The following LOXHD1 variants were observed in gnomAD, a reference collection of about 807,000 sequenced individuals.
The protein encoded by LOXHD1 is lipoxygenase homology domain-containing protein 1.
A neutral mutation model predicts 248.2 loss-of-function variants in LOXHD1; 205 were observed. The ratio of observed to expected loss-of-function variants is 0.83; its 90% confidence interval spans 0.74 to 0.93. The LOEUF (loss-of-function observed/expected upper bound fraction) is 0.93, where lower values mean the gene tolerates loss of function less well. Ranked by LOEUF, LOXHD1 falls within the 40% of genes least tolerant of loss-of-function variation. The probability of loss-of-function intolerance (pLI) is 0.00; values close to 1 mark genes in which losing one functional copy is unlikely to be tolerated. For synonymous variants in LOXHD1, 1,113 were observed against 1,162.8 expected (o/e 0.96, Z 0.87); for missense variants, 2,930 against 2,971.6 (o/e 0.99, Z 0.33).
rs750279746 is a variant in LOXHD1, at chr18:46,488,965, C to T, written c.6049+7G>A. The T allele has an allele frequency of 1.9e-6, 3 of 1,550,172 alleles. No homozygotes were observed. The East Asian group carries it at 7.3e-5, about 38-fold the overall frequency. On this transcript the variant is annotated splice_region_variant and intron_variant, in intron 38 of 40. Transcript: ENST00000642948. ...TCCCTCCTGAGCCAATGATCTCCCC[C>T]ACATACTGGTCTCTTCCAGCTCATC...
At chr18:46,479,236 ATGTGTGTGTGTG>A (rs10645069) in intron 40 of LOXHD1, among the ~76,000 whole-genome samples, 7 of 142,784 alleles carry the variant, frequency 4.9e-5, no homozygotes, top group African/African-American at 1.3e-4. Context: ...ATATATATGT[ATGTGTGTGTGTG>A]TGTGTGTGTG....
At chr18:46,645,571 G>A (rs769380381) in intron 2 of LOXHD1, among the ~76,000 whole-genome samples, 2 of 152,260 alleles carry the variant, frequency 1.3e-5, no homozygotes, top group South Asian at 2.1e-4. Context: ...GGAAGAGTGC[G>A]AGGAAACCCA....
At chr18:46,480,777 G>T (rs2032494381) in intron 40 of LOXHD1, among the ~76,000 whole-genome samples, 4 of 152,312 alleles carry the variant, frequency 2.6e-5, no homozygotes, top group Admixed American at 2.0e-4. Context: ...AGAGAATGGG[G>T]TCACCAAAAT....
intron 23 of LOXHD1, among the ~76,000 whole-genome samples, chr18:46,544,352 C>T (rs758471992): frequency 6.6e-6 from 1 of 152,154 alleles, no homozygotes; most frequent in Non-Finnish European, 1.5e-5. Flanking sequence ...CTGTTGGATG[C>T]TCAAGAATTT....
chr18:46,511,263 C>T (rs1317959800), intron 34 of LOXHD1, among the ~76,000 whole-genome samples: 1 of 152,196 alleles, frequency 6.6e-6, no homozygotes, highest in Non-Finnish European at 1.5e-5. Context: ...GTCCTTCAGT[C>T]TTCCCAACTC....
chr18:46,509,608 T>C, intron 35 of LOXHD1, 90 bp downstream of exon 35: 1 of 912,726 alleles, frequency 1.1e-6, no homozygotes, highest in Non-Finnish European at 1.8e-6. Context: ...GTGACATTTG[T>C]GCTTTAACAA....
chr18:46,639,608 G>T lies in LOXHD1; in HGVS notation c.511+8C>A, dbSNP rs1006067924. 20 of 1,549,712 alleles carry T rather than the reference G, an allele frequency of 1.3e-5. No homozygotes were observed. In the East Asian group the frequency reaches 3.7e-4, roughly 28 times the overall value. On this transcript the variant is annotated splice_region_variant and intron_variant, in intron 4 of 40. Transcript: ENST00000642948. ...AGGGATGGCAGGCAGGCCAGCCTAG[G>T]CACTGACCTCTGGGCATGTCCATGG...
chr18:46,646,463 C>T (rs2039031865), intron 2 of LOXHD1, among the ~76,000 whole-genome samples: 1 of 152,154 alleles, frequency 6.6e-6, no homozygotes, highest in Non-Finnish European at 1.5e-5. Flanking sequence ...CAGTTCTTGT[C>T]ACAGCCAGAC....
intron 28 of LOXHD1, among the ~76,000 whole-genome samples, chr18:46,529,885 C>T (rs776425951): frequency 2.6e-5 from 4 of 152,158 alleles, no homozygotes; most frequent in Admixed American, 6.5e-5. Context: ...AACTCCTCAC[C>T]GAAGCCACTG....
intron 28 of LOXHD1, among the ~76,000 whole-genome samples, chr18:46,530,819 T>A (rs982686624): frequency 6.6e-6 from 1 of 152,130 alleles, no homozygotes; most frequent in Non-Finnish European, 1.5e-5. Context: ...CACTCCTTCA[T>A]GGGTAGCTTT....
intron 5 of LOXHD1, among the ~76,000 whole-genome samples, chr18:46,614,718 TAATAAATA>T (rs67053766): frequency 5.0e-4 from 75 of 149,852 alleles, no homozygotes; most frequent in African/African-American, 1.1e-3. Flanking sequence ...TAAAGTATAA[TAATAAATA>T]AATAAATAAA....
intron 8 of LOXHD1, among the ~76,000 whole-genome samples, chr18:46,600,605 AAGGAAGG>A (rs1448795275): frequency 2.8e-5 from 1 of 35,226 alleles, no homozygotes; most frequent in African/African-American, 1.0e-4. Flanking sequence ...TCCAAAAAAA[AAGGAAGG>A]AAGGAAGGAA....
chr18:46,495,199 C>T (rs1488185413), intron 37 of LOXHD1, among the ~76,000 whole-genome samples: 1 of 152,148 alleles, frequency 6.6e-6, no homozygotes, highest in Non-Finnish European at 1.5e-5. Flanking sequence ...TCTTTCTTTC[C>T]TCAGAGCTTA....
At position 46,518,033 on chromosome 18, in the gene LOXHD1, C is replaced by T. The variant is rs889685140; in HGVS notation, c.5399+96G>A. 135 of 1,436,614 alleles carry T rather than the reference C, an allele frequency of 9.4e-5. No homozygotes were observed. The South Asian group carries it at 1.2e-3, about 13-fold the overall frequency. 89.0% of individuals were successfully genotyped at this position (1,436,614 alleles called of 1,614,324 possible). ...GGAAGGAAGGCCTCATGGTCTGCAGCGGGCATGTGAGAATCAGCCTGGCTG... is the reference window on the plus strand; with the variant it reads ...GGAAGGAAGGCCTCATGGTCTGCAGTGGGCATGTGAGAATCAGCCTGGCTG... On this transcript the variant is annotated intron_variant, in intron 34 of 40. Transcript: ENST00000642948.
Position 46,534,418 on chromosome 18 carries a change from G to A in LOXHD1, c.4129C>T (p.Arg1377Trp), listed in dbSNP as rs746252931. 8.4e-6 allele frequency: 13 copies of A among 1,551,522 alleles called. No homozygotes were observed. Among genetic ancestry groups the A allele is most frequent in the Non-Finnish European group, 9.6e-6 (11 of 1,146,946 alleles). ...ATGCCCGTGTTATTATGGCCAATCC[G>A]AATTTTTTCAATGATTTCTCCCACA... is the stretch of plus-strand genomic sequence containing the variant. The part of the protein sequence containing the change: ...EDVGEIIEKI[R>W]IGHNNTGMNP... The change falls in exon 27 of 41, where the codon CGG becomes TGG. Residue 1377 changes from arginine to tryptophan, a missense_variant. Arg to Trp is a moderately radical substitution (Grantham distance 101). Coordinates refer to ENST00000642948, the MANE Select transcript of LOXHD1 (RefSeq NM_001384474.1).
chr18:46,530,347 G>A (rs2036009022), intron 28 of LOXHD1, among the ~76,000 whole-genome samples: 2 of 152,152 alleles, frequency 1.3e-5, no homozygotes, highest in African/African-American at 4.8e-5. Context: ...GTGACAGCTG[G>A]GCTTCTTTAC....
chr18:46,578,908 G>A lies in LOXHD1; in HGVS notation c.1809+722C>T, dbSNP rs1201034707. On this transcript the variant is annotated intron_variant, in intron 13 of 40. Coordinates refer to ENST00000642948, the MANE Select transcript of LOXHD1 (RefSeq NM_001384474.1). Reference sequence around the variant, plus strand: ...ACTGAGGCTCAGGAGAATGAAGCAGGTAGCCCAAGGCTGGGTTTGCCTCAA... The same window carrying A: ...ACTGAGGCTCAGGAGAATGAAGCAGATAGCCCAAGGCTGGGTTTGCCTCAA... Among the ~76,000 whole-genome samples the A allele has an allele frequency of 1.2e-4, 18 of 152,284 alleles. No homozygotes were observed. The South Asian group carries it at 3.1e-3, about 26-fold the overall frequency.
At chr18:46,513,040 C>T (rs548937938) in intron 34 of LOXHD1, among the ~76,000 whole-genome samples, 2 of 152,022 alleles carry the variant, frequency 1.3e-5, no homozygotes, top group African/African-American at 4.8e-5. Context: ...AAAGCATAGC[C>T]CCATGAGATG....
chr18:46,499,982 C>G (rs1272803229), intron 37 of LOXHD1, among the ~76,000 whole-genome samples: 1 of 152,102 alleles, frequency 6.6e-6, no homozygotes, highest in African/African-American at 2.4e-5. Context: ...GATTTCATGG[C>G]CAGTGAACAA....
Sources: allele counts gnomAD v4.1 joint callset (sites outside exome capture counted in the v4.1 genomes callset), GRCh38; gene constraint gnomAD v4.1.1; transcripts MANE v1.5; gene names NCBI Gene and HGNC (gene_info 2026-07-23, HGNC 2026-07-21).